The following AEN variants were observed in gnomAD, a reference collection of about 807,000 sequenced individuals.
AEN encodes apoptosis enhancing nuclease.
A neutral mutation model predicts 17.7 loss-of-function variants in AEN; 21 were observed. The observed-to-expected ratio is 1.19, with a 90% CI of 0.84 to 1.71. The LOEUF is 1.71. Among genes scored for constraint, AEN ranks in the 40% most tolerant of loss-of-function variants. AEN has a pLI of 0.00. For missense variants in AEN, 462 were observed against 435.9 expected (o/e 1.06, Z -0.53); for synonymous variants, 190 against 173.0 (o/e 1.10, Z -0.77).
In AEN at chr15:88,630,205, G is replaced by A. The variant is rs771057076; in HGVS notation, c.889G>A (p.Glu297Lys). Residue 297 changes from glutamate (E) to lysine (K), a missense_variant, in exon 4 of 4, where the codon GAA becomes AAA. Coordinates refer to ENST00000332810, the MANE Select transcript of AEN (RefSeq NM_022767.4). The surrounding 1 kb of genome is among the most constrained non-coding windows in gnomAD (Gnocchi z 5.1). ...DREPDSSTDM[E>K]QYMEDQYWPD... Reference sequence around the variant, plus strand: ...AGAACCTGACAGCAGCACAGACATGGAACAGTACATGGAGGACCAGTACTG... The same window carrying A: ...AGAACCTGACAGCAGCACAGACATGAAACAGTACATGGAGGACCAGTACTG... 5 of 1,611,700 alleles carry A rather than the reference G, an allele frequency of 3.1e-6. No homozygotes were observed. In the African/African-American group the frequency reaches 5.3e-5, roughly 17 times the overall value.
the AEN span, among the ~76,000 whole-genome samples, chr15:88,608,377 T>C: frequency 6.6e-6 from 1 of 152,342 alleles, no homozygotes; most frequent in African/African-American, 2.4e-5. Flanking sequence ...ATACCTGCCT[T>C]ATACATTGTC....
chr15:88,607,791 A>G, the AEN span, among the ~76,000 whole-genome samples: 3 of 152,190 alleles, frequency 2.0e-5, no homozygotes, highest in Admixed American at 6.5e-5. Context: ...TAAGTTTAAA[A>G]GGTCAAAAAT....
At position 88,630,506 on chromosome 15, in the gene AEN, C is replaced by A; in HGVS notation, c.*212C>A. 1.8e-6 allele frequency: 1 copy of A among 571,008 alleles called. No homozygotes were observed. Among genetic ancestry groups the A allele is most frequent in the Non-Finnish European group, 3.1e-6 (1 of 318,674 alleles). The allele number at this position is 571,008 out of a possible 1,614,324, so 35.4% of individuals were successfully genotyped here. On this transcript the variant is annotated 3_prime_UTR_variant, in exon 4 of 4. Coordinates refer to ENST00000332810, the MANE Select transcript of AEN (RefSeq NM_022767.4). This position sits in a 1 kb window ranked among gnomAD's most constrained non-coding sequence, Gnocchi z 5.1. The stretch of plus-strand genomic sequence containing the variant: ...CAGGGCTGTTGGTTCTTTCTTCTGA[C>A]TCCTGTGGTTTTGCTAATGGCACTT...
In AEN at chr15:88,630,215, T is replaced by G; in HGVS notation, c.899T>G (p.Met300Arg). The G allele has an allele frequency of 1.2e-6, 2 of 1,609,956 alleles. No homozygotes were observed. The highest frequency in any genetic ancestry group is 1.7e-6 in the Non-Finnish European group (2 of 1,178,252). The change falls in exon 4 of 4, where the codon ATG becomes AGG. Residue 300 changes from methionine to arginine, a missense_variant. Transcript: ENST00000332810. This position sits in a 1 kb window ranked among gnomAD's most constrained non-coding sequence, Gnocchi z 5.1. Reference sequence around the variant, plus strand: ...AGCAGCACAGACATGGAACAGTACATGGAGGACCAGTACTGGCCCGATGAC... The same window carrying G: ...AGCAGCACAGACATGGAACAGTACAGGGAGGACCAGTACTGGCCCGATGAC... ...PDSSTDMEQY[M>R]EDQYWPDDLA... is the part of the protein sequence containing the mutation.
In AEN at chr15:88,626,625, G is replaced by A. The variant is rs753485323; in HGVS notation, c.416G>A (p.Gly139Asp). Residue 139 changes from glycine to aspartate, a missense_variant, in exon 2 of 4, where the codon GGC becomes GAC. Gly to Asp is a moderately conservative substitution (Grantham distance 94). Coordinates refer to ENST00000332810, the MANE Select transcript of AEN (RefSeq NM_022767.4). ...LARCSIVSYH[G>D]NVLYDKYIRP... The stretch of plus-strand genomic sequence containing the variant: ...CGCTGTTCCATTGTGAGCTACCATG[G>A]CAATGTCCTCTATGACAAGTACATC... The A allele has an allele frequency of 1.2e-6, 2 of 1,613,950 alleles. No individual in the cohort carries two copies. The highest frequency in any genetic ancestry group is 2.7e-5 in the African/African-American group (2 of 74,952).
At chr15:88,629,785 T>G (rs1013425349) in intron 3 of AEN, among the ~76,000 whole-genome samples, 1 of 152,182 alleles carries the variant, frequency 6.6e-6, no homozygotes, top group Non-Finnish European at 1.5e-5. Flanking sequence ...TACCTCTTGC[T>G]CCTGTTGGGC....
chr15:88,612,308 T>C, the AEN span, among the ~76,000 whole-genome samples: 1 of 151,372 alleles, frequency 6.6e-6, no homozygotes, highest in East Asian at 1.9e-4. Context: ...CACCGAGAGG[T>C]ATGCACTGGA....
Position 88,630,352 on chromosome 15 carries a change from A to C in AEN, c.*58A>C. The C allele has an allele frequency of 6.7e-7, 1 of 1,489,050 alleles. No individual in the cohort carries two copies. The highest frequency in any genetic ancestry group is 9.1e-7 in the Non-Finnish European group (1 of 1,099,370). 92.2% of individuals were successfully genotyped at this position (1,489,050 alleles called of 1,614,324 possible). A position where few individuals can be genotyped will look rare whatever the true frequency, so the allele number is the denominator to read the frequency against. On this transcript the variant is annotated 3_prime_UTR_variant, in exon 4 of 4. Coordinates refer to ENST00000332810, the MANE Select transcript of AEN (RefSeq NM_022767.4). The surrounding 1 kb of genome is among the most constrained non-coding windows in gnomAD (Gnocchi z 5.1). ...GTGTGGCCGGTAGGAAGTGGGGGCC[A>C]GGAGAGCAGCGGGCACTCCTTCCTG...
the AEN span, among the ~76,000 whole-genome samples, chr15:88,609,262 T>C: frequency 6.6e-6 from 1 of 152,178 alleles, no homozygotes; most frequent in Non-Finnish European, 1.5e-5. Context: ...CCCCTTTGAT[T>C]CCCTCAAACT....
In AEN at chr15:88,630,587, GGAAT is replaced by G. The variant is rs2057916030; in HGVS notation, c.*295_*298del. The G allele has an allele frequency of 2.5e-6, 1 of 403,762 alleles. No individual in the cohort carries two copies. Among genetic ancestry groups the G allele is most frequent in the Admixed American group, 3.8e-5 (1 of 26,032 alleles). 25.0% of individuals were successfully genotyped at this position (403,762 alleles called of 1,614,324 possible). ...ATCTTCTAGGGCCCAGCAGGAGTAG[GGAAT>G]GTGCCAACAGACTGCCCAGGTTGCC... On this transcript the variant is annotated 3_prime_UTR_variant, in exon 4 of 4. Coordinates refer to ENST00000332810, the MANE Select transcript of AEN (RefSeq NM_022767.4). The surrounding 1 kb of genome is among the most constrained non-coding windows in gnomAD (Gnocchi z 5.1).
chr15:88,608,274 G>A, the AEN span: 1 of 415,514 alleles, frequency 2.4e-6, no homozygotes, highest in South Asian at 1.8e-5. Context: ...CAGAGTCCTG[G>A]ACTCAGGATC....
At position 88,626,834 on chromosome 15, in the gene AEN, TGG is replaced by T. The variant is rs1252368604; in HGVS notation, c.540+89_540+90del. 2.1e-6 allele frequency: 3 copies of T among 1,460,888 alleles called. No homozygotes were observed. In the East Asian group the frequency reaches 7.4e-5, roughly 36 times the overall value. The allele number at this position is 1,460,888 out of a possible 1,614,324, so 90.5% of individuals were successfully genotyped here. A position where few individuals can be genotyped will look rare whatever the true frequency, so the allele number is the denominator to read the frequency against. The stretch of plus-strand genomic sequence containing the variant: ...GGTTTGAATCACCACTTTGCTTCAC[TGG>T]GGGCAAGAAACCTTGGGAAAGTCAC... On this transcript the variant is annotated intron_variant, in intron 2 of 3. Coordinates refer to ENST00000332810, the MANE Select transcript of AEN (RefSeq NM_022767.4).
chr15:88,605,182 C>T, the AEN span: 1 of 152,454 alleles, frequency 6.6e-6, no homozygotes, highest in Non-Finnish European at 1.5e-5. The surrounding 1 kb of genome is among the most constrained non-coding windows in gnomAD (Gnocchi z 7.6). Flanking sequence ...GGATGCTGGG[C>T]AGGCTAGAGG....
Position 88,629,357 on chromosome 15 carries a change from C to T in AEN, c.672C>T (p.Pro224=), listed in dbSNP as rs200622439. The T allele has an allele frequency of 1.5e-5, 24 of 1,614,116 alleles. No individual in the cohort carries two copies. The highest frequency in any genetic ancestry group is 3.3e-4 in the Middle Eastern group (2 of 6,062). The change falls in exon 3 of 4, where the codon CCC becomes CCT. Residue 224 remains proline (P), a synonymous_variant. Transcript: ENST00000332810. ...ATGTCCCAAACTTCCTCAGCGAGCC[C>T]GGCCTCCACACCCGGGCCCGGGTCT... ...TTYVPNFLSE[P]GLHTRARVSL... is the part of the protein sequence containing the mutation.
At chr15:88,629,180 T>A (rs750950323) in intron 2 of AEN, 46 bp from the exon 3 acceptor site, 1 of 1,598,098 alleles carries the variant, frequency 6.3e-7, no homozygotes, top group Admixed American at 1.7e-5. Context: ...CCTGCCAACC[T>A]GATGGGGTGT....
the AEN span, among the ~76,000 whole-genome samples, chr15:88,614,847 C>T: frequency 1.3e-5 from 2 of 152,016 alleles, no homozygotes; most frequent in Admixed American, 1.3e-4. Flanking sequence ...TGGGGTGTGA[C>T]CCAAGCGTCT....
intron 1 of AEN, among the ~76,000 whole-genome samples, chr15:88,624,372 G>A (rs574752946): frequency 1.3e-5 from 2 of 152,304 alleles, no homozygotes; most frequent in Non-Finnish European, 2.9e-5. Flanking sequence ...AGTGAGTCCA[G>A]GCGGAGGCTG....
In AEN at chr15:88,626,341, G is replaced by C. The variant is rs1227894299; in HGVS notation, c.132G>C (p.Lys44Asn). The C allele has an allele frequency of 1.2e-6, 2 of 1,613,328 alleles. No homozygotes were observed. Among genetic ancestry groups the C allele is most frequent in the Non-Finnish European group, 1.7e-6 (2 of 1,179,858 alleles). ...AGCACCAGCGGTTCATGGCCCGGAA[G>C]GCCTTGCTGCAGGAGCAGGGGCTGC... ...SRQHQRFMAR[K>N]ALLQEQGLLS... The change falls in exon 2 of 4, where the codon AAG becomes AAC. Residue 44 changes from lysine to asparagine, a missense_variant. Physicochemically the swap from Lys to Asn is moderately conservative, Grantham distance 94 (BLOSUM62 0). Transcript: ENST00000332810.
At chr15:88,606,565 C>T in the AEN span, among the ~76,000 whole-genome samples, 1 of 151,868 alleles carries the variant, frequency 6.6e-6, no homozygotes, top group Non-Finnish European at 1.5e-5. Context: ...AGCATGCTTA[C>T]CAGGCAACCA....
Sources: allele counts gnomAD v4.1 joint callset (sites outside exome capture counted in the v4.1 genomes callset), GRCh38; gene constraint gnomAD v4.1.1; non-coding constraint Gnocchi (gnomAD v3.1); transcripts MANE v1.5; gene names NCBI Gene and HGNC (gene_info 2026-07-23, HGNC 2026-07-21).